TAB2: variants seen among roughly 807,000 people sequenced by gnomAD.
TAB2 encodes TGF-beta activated kinase 1 (MAP3K7) binding protein 2, also known as TGF-beta-activated kinase 1 and MAP3K7-binding protein 2.
In TAB2, 3 loss-of-function variants were observed where a neutral mutation model predicts 65.0. That is an observed-to-expected ratio of 0.05 (90% CI 0.02 to 0.12). The LOEUF is 0.12. Among genes scored for constraint, TAB2 ranks in the 10% least tolerant of loss-of-function variants. The pLI is 1.00. For missense variants in TAB2, 623 were observed against 840.3 expected, an observed-to-expected ratio of 0.74 and a Z score of 3.20; for synonymous variants, 298 against 285.1, an observed-to-expected ratio of 1.05 and a Z score of -0.46.
intron 5 of TAB2, among the ~76,000 whole-genome samples, 181 bp downstream of exon 5, chr6:149,398,243 AC>A (rs1782241853): frequency 6.6e-6 from 1 of 152,196 alleles, no homozygotes. Flanking sequence ...CACTATCTTA[AC>A]TGATAAAATA....
In TAB2 at chr6:149,410,672, G is replaced by A. The variant is rs865970693; in HGVS notation, c.*953G>A. The A allele has an allele frequency of 2.6e-5, 4 of 152,650 alleles. No individual in the cohort carries two copies. Among genetic ancestry groups the A allele is most frequent in the African/African-American group, 9.7e-5 (4 of 41,450 alleles). 9.5% of individuals were successfully genotyped at this position (152,650 alleles called of 1,614,324 possible). A position where few individuals can be genotyped will look rare whatever the true frequency, so the allele number is the denominator to read the frequency against. The stretch of plus-strand genomic sequence containing the variant: ...TTGCAGATGATATTACAGAAGTGAT[G>A]TCTGTAGGTCACATTAAATACTGAC... On this transcript the variant is annotated 3_prime_UTR_variant, in exon 7 of 7. Coordinates refer to ENST00000637181, the MANE Select transcript of TAB2 (RefSeq NM_001292034.3).
rs564338456 is a variant in TAB2, at chr6:149,399,292, A to C, written c.1939+108A>C. ...CTCTAGAATTGCTTCAAACTTTGGC[A>C]TTCTTAAATGAATTCATTAAGAAGA... On this transcript the variant is annotated intron_variant, in intron 6 of 6. Coordinates refer to ENST00000637181, the MANE Select transcript of TAB2 (RefSeq NM_001292034.3). 350 of 794,436 alleles carry C rather than the reference A, an allele frequency of 4.4e-4. No individual in the cohort carries two copies. The African/African-American group carries it at 4.5e-3, about 10-fold the overall frequency. The allele number at this position is 794,436 out of a possible 1,614,324, so 49.2% of individuals were successfully genotyped here.
At chr6:149,237,041 G>C (rs907652596) in intron 1 of TAB2, among the ~76,000 whole-genome samples, 1 of 152,066 alleles carries the variant, frequency 6.6e-6, no homozygotes, top group African/African-American at 2.4e-5. Flanking sequence ...TAATTTATTT[G>C]CATGGCGATC....
chr6:149,325,494 T>G (rs970977455), intron 1 of TAB2, among the ~76,000 whole-genome samples: 1 of 152,152 alleles, frequency 6.6e-6, no homozygotes, highest in Non-Finnish European at 1.5e-5. Context: ...ACATCATCAT[T>G]ATTTTTTTAA....
At chr6:149,269,267 AC>A (rs1237331309) in intron 1 of TAB2, among the ~76,000 whole-genome samples, 1 of 152,244 alleles carries the variant, frequency 6.6e-6, no homozygotes, top group Admixed American at 6.5e-5. Flanking sequence ...CCAAAGCCTC[AC>A]AGCCTAGGAC....
At chr6:149,285,317 G>C (rs1014322220) in intron 1 of TAB2, among the ~76,000 whole-genome samples, 1 of 152,184 alleles carries the variant, frequency 6.6e-6, no homozygotes, top group Admixed American at 6.5e-5. Flanking sequence ...AAGCTAGAAG[G>C]CACCAAAGAC....
chr6:149,305,250 G>A (rs1338859832), intron 1 of TAB2, among the ~76,000 whole-genome samples: 3 of 152,272 alleles, frequency 2.0e-5, no homozygotes, highest in African/African-American at 7.2e-5. Context: ...TCGTATGCCT[G>A]CCTGATATAT....
chr6:149,239,922 C>A lies in TAB2; in HGVS notation c.-121+21146C>A, dbSNP rs143959164. Among the ~76,000 whole-genome samples the A allele has an allele frequency of 8.7e-4, 132 of 152,264 alleles. 4 individuals carry two copies. In the East Asian group the frequency reaches 0.024, roughly 28 times the overall value. On this transcript the variant is annotated intron_variant, in intron 1 of 1. Transcript: ENST00000606202. ...AAGCTTTTCTGCACAGGACCAAGGC[C>A]AGTCTATTCAAATTCTCAGTCACAG...
At chr6:149,315,440 C>T (rs567393678), upstream of TAB2, among the ~76,000 whole-genome samples, 4 of 152,290 alleles carry the variant, frequency 2.6e-5, no homozygotes, top group African/African-American at 9.6e-5. Context: ...GAGAAAATCA[C>T]ATATATCATG....
chr6:149,242,917 T>G (rs1246485282), intron 1 of TAB2, among the ~76,000 whole-genome samples: 1 of 152,174 alleles, frequency 6.6e-6, no homozygotes, highest in Non-Finnish European at 1.5e-5. Flanking sequence ...AAGGTGCTTC[T>G]CCCATGCTCA....
chr6:149,228,549 A>G (rs1259435688), intron 1 of TAB2, among the ~76,000 whole-genome samples: 1 of 152,170 alleles, frequency 6.6e-6, no homozygotes, highest in East Asian at 1.9e-4. Context: ...GGCACCACCT[A>G]CATTTTAAAC....
intron 1 of TAB2, among the ~76,000 whole-genome samples, chr6:149,351,448 A>G (rs758643933): frequency 7.2e-5 from 11 of 152,190 alleles, no homozygotes; most frequent in Non-Finnish European, 1.2e-4. Flanking sequence ...ATATAATGCA[A>G]TTGGCTTTAA....
intron 1 of TAB2, among the ~76,000 whole-genome samples, chr6:149,254,926 C>G (rs1777982723): frequency 6.6e-6 from 1 of 152,150 alleles, no homozygotes; most frequent in African/African-American, 2.4e-5. Context: ...TTAGATGATA[C>G]TTAGATGAGA....
chr6:149,361,167 G>A (rs1287863051), intron 1 of TAB2, among the ~76,000 whole-genome samples: 3 of 152,180 alleles, frequency 2.0e-5, no homozygotes. Flanking sequence ...ACTCTGTGGG[G>A]CCTCCAACTC....
At chr6:149,236,975 A>C (rs1475453573) in intron 1 of TAB2, among the ~76,000 whole-genome samples, 1 of 152,228 alleles carries the variant, frequency 6.6e-6, no homozygotes, top group Non-Finnish European at 1.5e-5. Flanking sequence ...AGCAGAGCCA[A>C]ATCATTTATC....
chr6:149,390,718 A>C (rs142324895), intron 3 of TAB2, among the ~76,000 whole-genome samples: 1 of 152,184 alleles, frequency 6.6e-6, no homozygotes, highest in South Asian at 2.1e-4. Flanking sequence ...TATTTTTAAC[A>C]ACAACTAAGA....
chr6:149,268,883 A>G (rs1038762735), intron 1 of TAB2, among the ~76,000 whole-genome samples: 1 of 152,196 alleles, frequency 6.6e-6, no homozygotes, highest in Non-Finnish European at 1.5e-5. Flanking sequence ...TCTCTTAGCT[A>G]CAGAATGAGT....
chr6:149,320,799 ATAAAT>A lies in TAB2; in HGVS notation c.-90+2789_-90+2793del, dbSNP rs1779429390. ...ATAATCTTTATAATATATAAAGTTC[ATAAAT>A]TAAACTGTAATTGAAAAATCCAAAT... On this transcript the variant is annotated intron_variant, in intron 1 of 6. Coordinates refer to ENST00000637181, the MANE Select transcript of TAB2 (RefSeq NM_001292034.3). Among the ~76,000 whole-genome samples the A allele has an allele frequency of 5.9e-5, 9 of 152,350 alleles. No homozygotes were observed. The South Asian group carries it at 1.9e-3, about 32-fold the overall frequency.
upstream of TAB2, among the ~76,000 whole-genome samples, chr6:149,314,706 T>G (rs1365961851): frequency 6.6e-6 from 1 of 152,172 alleles, no homozygotes; most frequent in Non-Finnish European, 1.5e-5. Context: ...ATGGAACACA[T>G]GGTTTATGGA....
Sources: allele counts gnomAD v4.1 joint callset (sites outside exome capture counted in the v4.1 genomes callset), GRCh38; gene constraint gnomAD v4.1.1; transcripts MANE v1.5; gene names NCBI Gene and HGNC (gene_info 2026-07-23, HGNC 2026-07-21).